Variants in ZBTB7C observed in about 807,000 individuals in gnomAD.
ZBTB7C encodes zinc finger and BTB domain-containing protein 7C.
Under a neutral mutation model 25.7 loss-of-function variants are expected in ZBTB7C, and 8 were observed. The ratio of observed to expected loss-of-function variants is 0.31; its 90% CI spans 0.18 to 0.56. The LOEUF (loss-of-function observed/expected upper bound fraction) is 0.56. Ranked by LOEUF, ZBTB7C falls within the 20% of genes least tolerant of loss-of-function variation. The pLI, the probability that ZBTB7C is intolerant of heterozygous loss-of-function variation, is 0.91. For missense variants in ZBTB7C, 824 were observed against 855.2 expected, an observed-to-expected ratio of 0.96 and a Z score of 0.46; for synonymous variants, 394 against 369.0, an observed-to-expected ratio of 1.07 and a Z score of -0.78.
At chr18:48,269,218 C>A (rs2044403925) in intron 2 of ZBTB7C, among the ~76,000 whole-genome samples, 1 of 152,128 alleles carries the variant, frequency 6.6e-6, no homozygotes, top group Admixed American at 6.6e-5. Context: ...CCCATCTCAG[C>A]CTCCCAAAGT....
At chr18:48,182,002 G>A (rs1034826822) in intron 3 of ZBTB7C, among the ~76,000 whole-genome samples, 1 of 152,088 alleles carries the variant, frequency 6.6e-6, no homozygotes, top group Non-Finnish European at 1.5e-5. Flanking sequence ...CAGGAGCTGT[G>A]GGCTCTGTAT....
At chr18:48,049,199 C>T (rs573068158) in intron 3 of ZBTB7C, among the ~76,000 whole-genome samples, 131 of 152,324 alleles carry the variant, frequency 8.6e-4, no homozygotes, top group African/African-American at 3.0e-3. Context: ...TGCAAGCCTG[C>T]CTGGCTAGTA....
chr18:48,077,256 T>C (rs1042965434), intron 3 of ZBTB7C, among the ~76,000 whole-genome samples: 1 of 152,134 alleles, frequency 6.6e-6, no homozygotes, highest in African/African-American at 2.4e-5. Flanking sequence ...TGACTATAGT[T>C]AATAATAAGG....
chr18:48,359,582 C>T (rs752725), intron 1 of ZBTB7C, among the ~76,000 whole-genome samples: 2,473 of 152,240 alleles, frequency 0.016, 73 homozygotes, highest in African/African-American at 0.056. Context: ...ATCAAGCATA[C>T]GAAAGGAGGC....
chr18:48,236,026 T>C (rs56697660), intron 2 of ZBTB7C, among the ~76,000 whole-genome samples: 46,291 of 152,126 alleles, frequency 0.3, 7,767 homozygotes, highest in African/African-American at 0.44. Flanking sequence ...TTTCTCAATC[T>C]CACTACTCTT....
At chr18:48,164,755 C>T (rs1599007475) in intron 3 of ZBTB7C, among the ~76,000 whole-genome samples, 1 of 152,078 alleles carries the variant, frequency 6.6e-6, no homozygotes, top group East Asian at 1.9e-4. Context: ...ATAACTTAAC[C>T]ACTGTAAGTG....
At chr18:48,135,891 G>A (rs2040137921) in intron 3 of ZBTB7C, among the ~76,000 whole-genome samples, 1 of 152,234 alleles carries the variant, frequency 6.6e-6, no homozygotes, top group South Asian at 2.1e-4. Context: ...CGCTGGAGTG[G>A]GGCTTCCTTC....
At chr18:48,122,342 T>C (rs148752989) in intron 3 of ZBTB7C, among the ~76,000 whole-genome samples, 39 of 152,318 alleles carry the variant, frequency 2.6e-4, no homozygotes, top group African/African-American at 4.8e-4. Context: ...CTTTGGCTGA[T>C]TGTTGGTCAT....
At chr18:48,056,371 C>A (rs1378860978) in intron 3 of ZBTB7C, among the ~76,000 whole-genome samples, 1 of 152,176 alleles carries the variant, frequency 6.6e-6, no homozygotes, top group Non-Finnish European at 1.5e-5. Flanking sequence ...ATTAGATAAG[C>A]TGATTCTGAA....
At chr18:48,092,325 G>A (rs1312665200) in intron 3 of ZBTB7C, among the ~76,000 whole-genome samples, 1 of 152,352 alleles carries the variant, frequency 6.6e-6, no homozygotes, top group East Asian at 1.9e-4. Context: ...TAGCTGAGCT[G>A]CATGCCTGGT....
intron 3 of ZBTB7C, among the ~76,000 whole-genome samples, chr18:48,122,495 T>C (rs1325780383): frequency 1.3e-5 from 2 of 152,138 alleles, no homozygotes; most frequent in African/African-American, 2.4e-5. Flanking sequence ...ATAAGAGGCC[T>C]CCAAGCAAGA....
In ZBTB7C at chr18:48,337,307, T is replaced by C. The variant is rs143939917; in HGVS notation, c.-79+867A>G. On this transcript the variant is annotated intron_variant, in intron 2 of 4. Transcript: ENST00000590800. ...AGCTATTTTTGCCTCCACCCCAGCC[T>C]ACCATTTTCCCCACGGTGGAAGTTG... Among the ~76,000 whole-genome samples the C allele has an allele frequency of 4.5e-3, 683 of 152,298 alleles. 11 individuals carry two copies. Among genetic ancestry groups the C allele is most frequent in the African/African-American group, 0.016 (654 of 41,570 alleles).
At chr18:48,388,070 G>A (rs561800162) in intron 1 of ZBTB7C, among the ~76,000 whole-genome samples, 20 of 152,120 alleles carry the variant, frequency 1.3e-4, no homozygotes, top group African/African-American at 2.2e-4. Flanking sequence ...CAAGTGATCC[G>A]CCCTCCTCGG....
At chr18:48,117,179 C>A (rs148231456) in intron 3 of ZBTB7C, among the ~76,000 whole-genome samples, 1 of 152,304 alleles carries the variant, frequency 6.6e-6, no homozygotes, top group African/African-American at 2.4e-5. Flanking sequence ...CCAGTCCCTC[C>A]GTGGACAAAG....
chr18:48,186,605 T>A (rs1006462764), intron 2 of ZBTB7C, among the ~76,000 whole-genome samples: 1 of 152,196 alleles, frequency 6.6e-6, no homozygotes, highest in Non-Finnish European at 1.5e-5. Flanking sequence ...CTTGAGTTAA[T>A]GACAACGCTA....
At chr18:48,302,830 A>G (rs1299740333) in intron 2 of ZBTB7C, among the ~76,000 whole-genome samples, 1 of 152,212 alleles carries the variant, frequency 6.6e-6, no homozygotes, top group Non-Finnish European at 1.5e-5. Flanking sequence ...ATTTCTTTGC[A>G]GTTCTGTGCT....
At chr18:48,239,393 G>A (rs2043465396) in intron 2 of ZBTB7C, among the ~76,000 whole-genome samples, 1 of 152,158 alleles carries the variant, frequency 6.6e-6, no homozygotes, top group Non-Finnish European at 1.5e-5. Context: ...CCAACCAACT[G>A]CTAGCACAAC....
At chr18:48,113,904 C>T (rs564391801) in intron 3 of ZBTB7C, among the ~76,000 whole-genome samples, 10 of 152,292 alleles carry the variant, frequency 6.6e-5, no homozygotes, top group South Asian at 4.1e-4. Context: ...AGCCTGGGGC[C>T]GGCTGTAAAA....
intron 2 of ZBTB7C, among the ~76,000 whole-genome samples, chr18:48,233,853 C>T (rs1354252643): frequency 6.6e-6 from 1 of 152,164 alleles, no homozygotes; most frequent in East Asian, 1.9e-4. Flanking sequence ...CCGAGAAATT[C>T]TAGAAATGCA....
Sources: gnomAD v4.1 joint callset for allele counts (sites outside exome capture counted in the v4.1 genomes callset) on GRCh38, gnomAD v4.1.1 for gene constraint, MANE v1.5 for transcripts, NCBI Gene and HGNC (gene_info 2026-07-23, HGNC 2026-07-21) for gene names.